The following UBA6 variants were observed in gnomAD, a reference collection of about 807,000 sequenced individuals.
UBA6 encodes the protein ubiquitin-like modifier-activating enzyme 6.
A neutral mutation model predicts 148.3 loss-of-function variants in UBA6; 87 were observed. The ratio of observed to expected loss-of-function variants is 0.59; its 90% CI spans 0.49 to 0.70. The LOEUF (loss-of-function observed/expected upper bound fraction) is 0.70, where lower values mean the gene tolerates loss of function less well. Among genes scored for constraint, UBA6 ranks in the 30% least tolerant of loss-of-function variants. The probability of loss-of-function intolerance (pLI) is 0.00; values close to 1 mark genes in which losing one functional copy is unlikely to be tolerated. For missense variants in UBA6, 1,186 were observed against 1,241.2 expected, an observed-to-expected ratio of 0.96 and a Z score of 0.67; for synonymous variants, 376 against 401.0, an observed-to-expected ratio of 0.94 and a Z score of 0.75.
chr4:67,693,806 T>G (rs1310692892), intron 2 of UBA6, among the ~76,000 whole-genome samples: 1 of 152,144 alleles, frequency 6.6e-6, no homozygotes, highest in Non-Finnish European at 1.5e-5. Flanking sequence ...TCTATCTCCC[T>G]GAGATATTAA....
At chr4:67,619,609 G>C (rs761636675) in intron 32 of UBA6, among the ~76,000 whole-genome samples, 41 of 152,344 alleles carry the variant, frequency 2.7e-4, no homozygotes, top group Non-Finnish European at 5.1e-4. Flanking sequence ...CTGGGAGACA[G>C]AGGTTGCAAC....
chr4:67,654,815 A>G (rs1210746758), intron 13 of UBA6, among the ~76,000 whole-genome samples: 1 of 151,086 alleles, frequency 6.6e-6, no homozygotes, highest in Non-Finnish European at 1.5e-5. Flanking sequence ...AGAGGCCCAT[A>G]GTCTCAAAAT....
chr4:67,641,150 C>T lies in UBA6; in HGVS notation c.1554+1G>A, dbSNP rs752736088. Reference sequence around the variant, plus strand: ...AAATTTGAAACAGAATAGCAACATACCTGTATGTGATGAGGACGAAATAGG... The same window carrying T: ...AAATTTGAAACAGAATAGCAACATATCTGTATGTGATGAGGACGAAATAGG... On this transcript the variant is annotated splice_donor_variant, in intron 18 of 32. Transcript: ENST00000322244. LOFTEE classifies it high-confidence loss of function. 3.8e-6 allele frequency: 6 copies of T among 1,570,518 alleles called. No individual in the cohort carries two copies. The highest frequency in any genetic ancestry group is 1.7e-6 in the Non-Finnish European group (2 of 1,153,632).
intron 2 of UBA6, among the ~76,000 whole-genome samples, chr4:67,694,103 C>T (rs34493820): frequency 0.23 from 34,520 of 149,258 alleles, 4,118 homozygotes; most frequent in Middle Eastern, 0.3. Flanking sequence ...GTAGTCCCAG[C>T]TACTCAGGAG....
chr4:67,630,742 T>A (rs1038098679), intron 25 of UBA6, among the ~76,000 whole-genome samples: 8 of 152,078 alleles, frequency 5.3e-5, no homozygotes, highest in African/African-American at 1.9e-4. Context: ...CATCAAACAG[T>A]TATTCTCAAA....
intron 2 of UBA6, among the ~76,000 whole-genome samples, chr4:67,691,404 T>C (rs898751796): frequency 6.6e-6 from 1 of 152,208 alleles, no homozygotes; most frequent in Non-Finnish European, 1.5e-5. Flanking sequence ...CTGTAGTACA[T>C]ACTGCACTAC....
intron 18 of UBA6, among the ~76,000 whole-genome samples, chr4:67,640,111 A>T (rs1729267347): frequency 6.6e-6 from 1 of 152,186 alleles, no homozygotes; most frequent in Non-Finnish European, 1.5e-5. Context: ...AAATTCACAC[A>T]TCTAGTTTTA....
In UBA6 at chr4:67,623,138, G is replaced by A. The variant is rs192983325; in HGVS notation, c.2925C>T (p.Val975=). The A allele has an allele frequency of 1.2e-6, 2 of 1,609,104 alleles. No individual in the cohort carries two copies. The highest frequency in any genetic ancestry group is 1.7e-6 in the Non-Finnish European group (2 of 1,176,380). The change falls in exon 31 of 33, where the codon GTC becomes GTT. Residue 975 remains valine (V), a synonymous_variant. Transcript: ENST00000322244. ...TAAATGAACAAAAGTATCTCACTTT[G>A]ACTGCATTTATGAAATCCAAGAGGG... ...DFTLLDFINA[V]KEKYGIEPTM... is the part of the protein sequence containing the mutation.
At chr4:67,664,782 TTCA>T (rs1288285576) in intron 10 of UBA6, among the ~76,000 whole-genome samples, 1 of 152,140 alleles carries the variant, frequency 6.6e-6, no homozygotes, top group Non-Finnish European at 1.5e-5. Flanking sequence ...TTTGAATATC[TTCA>T]TTTTAGAAAA....
intron 17 of UBA6, among the ~76,000 whole-genome samples, chr4:67,643,303 G>C (rs1260400930): frequency 6.6e-6 from 1 of 151,882 alleles, no homozygotes; most frequent in Admixed American, 6.6e-5. Context: ...GCTGATTCTT[G>C]TGGTGGTTCC....
intron 1 of UBA6, among the ~76,000 whole-genome samples, chr4:67,700,404 C>G (rs1305326262): frequency 6.6e-6 from 1 of 152,164 alleles, no homozygotes; most frequent in Non-Finnish European, 1.5e-5. Flanking sequence ...AACTACTAAC[C>G]AAGAAATTGG....
rs899625415 is a variant in UBA6 at position 67,616,196 on chromosome 4, T to C, written c.*2801A>G. On this transcript the variant is annotated 3_prime_UTR_variant, in exon 33 of 33. Coordinates refer to ENST00000322244, the MANE Select transcript of UBA6 (RefSeq NM_018227.6). Reference sequence around the variant, plus strand: ...TCAGAGAAAGCATTCAGATTATATGTTTTTGAATCTATGAAAAGTAAAATC... The same window carrying C: ...TCAGAGAAAGCATTCAGATTATATGCTTTTGAATCTATGAAAAGTAAAATC... 1 of 396,464 alleles carries C rather than the reference T, an allele frequency of 2.5e-6. No homozygotes were observed. 24.6% of individuals were successfully genotyped at this position (396,464 alleles called of 1,614,324 possible). A position where few individuals can be genotyped will look rare whatever the true frequency, so the allele number is the denominator to read the frequency against.
At position 67,618,889 on chromosome 4, in the gene UBA6, A is replaced by G; in HGVS notation, c.*108T>C. ...GATGTTTCCCTTAAAATTAAGGCTTAATGAAAGAGAAATCCATAGTATTAT... is the reference window on the plus strand; with the variant it reads ...GATGTTTCCCTTAAAATTAAGGCTTGATGAAAGAGAAATCCATAGTATTAT... On this transcript the variant is annotated 3_prime_UTR_variant, in exon 33 of 33. Transcript: ENST00000322244. 1.8e-6 allele frequency: 2 copies of G among 1,128,196 alleles called. No homozygotes were observed. The highest frequency in any genetic ancestry group is 1.2e-6 in the Non-Finnish European group (1 of 800,348). 69.9% of individuals were successfully genotyped at this position (1,128,196 alleles called of 1,614,324 possible).
rs764689102 is a variant in UBA6 at position 67,629,159 on chromosome 4, A to G, written c.2329-17T>C. The stretch of plus-strand genomic sequence containing the variant: ...TGATAAGTCCTGTTTTTAAAAAAGT[A>G]ATTTTACCAACAAACATATTCTTCT... On this transcript the variant is annotated splice_polypyrimidine_tract_variant and intron_variant, in intron 26 of 32. Transcript: ENST00000322244. 1 of 1,521,822 alleles carries G rather than the reference A, an allele frequency of 6.6e-7. No homozygotes were observed. The highest frequency in any genetic ancestry group is 2.3e-5 in the East Asian group (1 of 44,262). The allele number at this position is 1,521,822 out of a possible 1,614,324, so 94.3% of individuals were successfully genotyped here. A position where few individuals can be genotyped will look rare whatever the true frequency, so the allele number is the denominator to read the frequency against.
intron 13 of UBA6, among the ~76,000 whole-genome samples, chr4:67,660,439 G>C (rs1382880536): frequency 1.3e-5 from 2 of 152,206 alleles, no homozygotes; most frequent in African/African-American, 4.8e-5. Context: ...GTGGCTAAAA[G>C]GGGCCAATGT....
At chr4:67,699,451 G>A (rs1256634683) in intron 1 of UBA6, among the ~76,000 whole-genome samples, 1 of 151,946 alleles carries the variant, frequency 6.6e-6, no homozygotes, top group Non-Finnish European at 1.5e-5. Flanking sequence ...CTAATTAAAC[G>A]GATAGCTATT....
intron 18 of UBA6, among the ~76,000 whole-genome samples, chr4:67,640,404 TA>T (rs1160422182): frequency 1.3e-5 from 2 of 152,230 alleles, no homozygotes; most frequent in East Asian, 3.8e-4. Flanking sequence ...ATGACATTAC[TA>T]AGCTTAGTTT....
chr4:67,635,394 T>A, intron 20 of UBA6, 59 bp downstream of exon 20: 2 of 1,102,750 alleles, frequency 1.8e-6, no homozygotes, highest in South Asian at 2.7e-5. Flanking sequence ...AATTGTTGAT[T>A]AAGACAAAAA....
rs1560479673 is a variant in UBA6, at chr4:67,631,914, G to A, written c.2143-6C>T. The A allele has an allele frequency of 1.9e-6, 3 of 1,601,234 alleles. No homozygotes were observed. Among genetic ancestry groups the A allele is most frequent in the South Asian group, 1.1e-5 (1 of 88,880 alleles). ...CAGTGAAGAAGCTGAAGAGCCTAAA[G>A]AAAAAAAATGAATTAAAGACACCCA... On this transcript the variant is annotated splice_polypyrimidine_tract_variant and splice_region_variant and intron_variant, in intron 23 of 32. Coordinates refer to ENST00000322244, the MANE Select transcript of UBA6 (RefSeq NM_018227.6).
Sources: gnomAD v4.1 joint callset for allele counts (sites outside exome capture counted in the v4.1 genomes callset) on GRCh38, gnomAD v4.1.1 for gene constraint, MANE v1.5 for transcripts, NCBI Gene and HGNC (gene_info 2026-07-23, HGNC 2026-07-21) for gene names.